Variants in GALNTL6 observed in about 807,000 individuals in gnomAD.
GALNTL6 encodes the protein polypeptide N-acetylgalactosaminyltransferase-like 6.
GALNTL6 carries 46 observed loss-of-function variants against 73.7 expected under a neutral mutation model. The ratio of observed to expected loss-of-function variants is 0.62; its 90% CI spans 0.49 to 0.80. GALNTL6 has a LOEUF of 0.80. Among genes scored for constraint, GALNTL6 ranks in the 30% least tolerant of loss-of-function variants. The pLI is 0.00. For synonymous variants in GALNTL6, 259 were observed against 263.7 expected, an observed-to-expected ratio of 0.98 and a Z score of 0.17; for missense variants, 604 against 755.0, an observed-to-expected ratio of 0.80 and a Z score of 2.34.
intron 2 of GALNTL6, among the ~76,000 whole-genome samples, chr4:172,082,652 A>T (rs1731913921): frequency 6.6e-6 from 1 of 152,176 alleles, no homozygotes; most frequent in African/African-American, 2.4e-5. Flanking sequence ...AGAACCAGGG[A>T]CCAGTTATCA....
chr4:172,220,060 G>T (rs1736622003), intron 2 of GALNTL6, among the ~76,000 whole-genome samples: 2 of 151,760 alleles, frequency 1.3e-5, no homozygotes, highest in Non-Finnish European at 3.0e-5. Flanking sequence ...TAAATTTATT[G>T]TCTCTCAAAC....
chr4:171,819,880 T>C (rs1734637324), intron 2 of GALNTL6, among the ~76,000 whole-genome samples: 1 of 152,180 alleles, frequency 6.6e-6, no homozygotes, highest in African/African-American at 2.4e-5. Flanking sequence ...GAGACCATGT[T>C]CTTTTCTTTT....
intron 2 of GALNTL6, among the ~76,000 whole-genome samples, chr4:172,019,579 AT>A (rs1161237059): frequency 6.6e-6 from 1 of 152,190 alleles, no homozygotes; most frequent in African/African-American, 2.4e-5. Context: ...AAAGAAGTGC[AT>A]TATATAATGA....
intron 2 of GALNTL6, among the ~76,000 whole-genome samples, chr4:172,127,025 C>G (rs1195150897): frequency 6.6e-6 from 1 of 152,204 alleles, no homozygotes; most frequent in African/African-American, 2.4e-5. Flanking sequence ...TTACCTGCCC[C>G]AGCCAGGGCT....
intron 7 of GALNTL6, among the ~76,000 whole-genome samples, chr4:172,829,880 C>T (rs73871868): frequency 0.011 from 1,678 of 151,920 alleles, 29 homozygotes; most frequent in African/African-American, 0.036. Context: ...GTCTGAGAAA[C>T]GAAATCAAAG....
chr4:172,212,834 A>T (rs536172669), intron 2 of GALNTL6, among the ~76,000 whole-genome samples: 1 of 151,646 alleles, frequency 6.6e-6, no homozygotes, highest in South Asian at 2.1e-4. Context: ...CGCCCGGCTA[A>T]TTTTTTTTGT....
chr4:172,382,776 G>T (rs541196104), intron 5 of GALNTL6, among the ~76,000 whole-genome samples: 1 of 151,826 alleles, frequency 6.6e-6, no homozygotes, highest in South Asian at 2.1e-4. Context: ...TTTGCCTATT[G>T]TGTGAAATAG....
At chr4:172,422,671 A>T (rs1263363026) in intron 5 of GALNTL6, among the ~76,000 whole-genome samples, 2 of 151,892 alleles carry the variant, frequency 1.3e-5, no homozygotes, top group African/African-American at 4.8e-5. Context: ...ATCCAGACTC[A>T]TATATTCAGT....
intron 5 of GALNTL6, among the ~76,000 whole-genome samples, chr4:172,645,532 T>C (rs574413102): frequency 1.3e-4 from 20 of 152,012 alleles, no homozygotes; most frequent in Non-Finnish European, 2.4e-4. Flanking sequence ...CCCCAATCAG[T>C]TCCAGTGGTA....
chr4:172,513,260 T>G (rs1734488800), intron 5 of GALNTL6, among the ~76,000 whole-genome samples: 1 of 152,190 alleles, frequency 6.6e-6, no homozygotes, highest in Admixed American at 6.5e-5. Flanking sequence ...GACCTTCCAG[T>G]GCATTTTGCA....
intron 5 of GALNTL6, among the ~76,000 whole-genome samples, chr4:172,732,654 T>C (rs1736221526): frequency 1.3e-5 from 2 of 152,338 alleles, no homozygotes; most frequent in Admixed American, 6.5e-5. Flanking sequence ...TCTCTGATAG[T>C]ATGTTTTAAT....
At chr4:171,893,442 C>T (rs2110930381) in intron 2 of GALNTL6, among the ~76,000 whole-genome samples, 1 of 152,174 alleles carries the variant, frequency 6.6e-6, no homozygotes, top group South Asian at 2.1e-4. Flanking sequence ...ATAATAGTAC[C>T]AGTGTGGTAC....
chr4:172,381,193 A>G (rs757930024), intron 5 of GALNTL6, among the ~76,000 whole-genome samples: 2 of 152,230 alleles, frequency 1.3e-5, no homozygotes, highest in Non-Finnish European at 2.9e-5. Context: ...GTTAAGACCT[A>G]TGCTTTGGAT....
At chr4:172,167,982 A>G (rs10000460) in intron 2 of GALNTL6, among the ~76,000 whole-genome samples, 104,864 of 146,714 alleles carry the variant, frequency 0.71, 38,735 homozygotes, top group Non-Finnish European at 0.81. Context: ...AAAAAAAAAA[A>G]AAAGAAACAT....
intron 2 of GALNTL6, among the ~76,000 whole-genome samples, chr4:171,987,416 G>C (rs140310428): frequency 0.011 from 1,654 of 152,278 alleles, 21 homozygotes; most frequent in African/African-American, 0.032. Context: ...TCTGACAGAA[G>C]GGAAGAAATG....
At chr4:172,977,697 C>T (rs1750881720) in intron 10 of GALNTL6, among the ~76,000 whole-genome samples, 2 of 151,954 alleles carry the variant, frequency 1.3e-5, no homozygotes. Flanking sequence ...GGGAGTCTTA[C>T]ATGATGATTC....
chr4:172,539,907 A>ATATATAT (rs1054014774), intron 5 of GALNTL6, among the ~76,000 whole-genome samples: 3 of 98,324 alleles, frequency 3.1e-5, no homozygotes, highest in Admixed American at 1.9e-4. Context: ...ATATATATAT[A>ATATATAT]AAAAATCTCA....
chr4:172,037,142 A>G (rs913895194), intron 2 of GALNTL6, among the ~76,000 whole-genome samples: 6 of 152,308 alleles, frequency 3.9e-5, no homozygotes, highest in Non-Finnish European at 5.9e-5. Context: ...GAGCTTGCTA[A>G]GATAACGGGC....
At chr4:171,948,556 ACAT>A (rs1373046555) in intron 2 of GALNTL6, among the ~76,000 whole-genome samples, 1 of 152,168 alleles carries the variant, frequency 6.6e-6, no homozygotes, top group Non-Finnish European at 1.5e-5. Context: ...CTCTGCAAAT[ACAT>A]TATCTCCCTT....
Sources: gnomAD v4.1 joint callset for allele counts (sites outside exome capture counted in the v4.1 genomes callset) on GRCh38, gnomAD v4.1.1 for gene constraint, MANE v1.5 for transcripts, NCBI Gene and HGNC (gene_info 2026-07-23, HGNC 2026-07-21) for gene names.